Variants in CCDC175 observed in about 807,000 individuals in gnomAD.
CCDC175 encodes coiled-coil domain containing 175.
A neutral mutation model predicts 114.6 loss-of-function variants in CCDC175; 100 were observed. The ratio of observed to expected loss-of-function variants is 0.87; its 90% CI spans 0.74 to 1.03. The LOEUF is 1.03. CCDC175 is among the 50% of genes least tolerant of loss of function. CCDC175 has a pLI of 0.00. For synonymous variants in CCDC175, 306 were observed against 308.7 expected (o/e 0.99, Z 0.09); for missense variants, 880 against 917.8 (o/e 0.96, Z 0.53).
chr14:59,534,581 G>A (rs193032266), intron 13 of CCDC175, among the ~76,000 whole-genome samples: 1 of 152,288 alleles, frequency 6.6e-6, no homozygotes, highest in Admixed American at 6.5e-5. Context: ...AGAAGGTCAA[G>A]TCCTATAATA....
intron 17 of CCDC175, among the ~76,000 whole-genome samples, chr14:59,512,022 T>G (rs1348103763): frequency 6.6e-6 from 1 of 152,140 alleles, no homozygotes; most frequent in Non-Finnish European, 1.5e-5. Context: ...TGTTGAAGAA[T>G]GGGCAGCCCA....
chr14:59,525,485 C>T (rs905645191), intron 15 of CCDC175, 51 bp from the exon 16 acceptor site: 21 of 1,388,604 alleles, frequency 1.5e-5, no homozygotes, highest in African/African-American at 1.2e-4. Context: ...CAGTAGGGCA[C>T]GAGGGTATTA....
chr14:59,545,402 GC>G, intron 8 of CCDC175, 103 bp from the exon 9 acceptor site: 1 of 950,130 alleles, frequency 1.1e-6, no homozygotes, highest in Non-Finnish European at 1.5e-6. Flanking sequence ...ATATTGCTTA[GC>G]CCACCGTGAA....
Position 59,547,958 on chromosome 14 carries a change from TC to T in CCDC175, c.1036-2660del, listed in dbSNP as rs570368083. Among the ~76,000 whole-genome samples, 437 of 152,262 alleles carry T rather than the reference TC, an allele frequency of 2.9e-3. 7 individuals are homozygous for T. The highest frequency in any genetic ancestry group is 5.0e-4 in the Non-Finnish European group (34 of 68,030). On this transcript the variant is annotated intron_variant, in intron 8 of 19. Coordinates refer to ENST00000537690, the MANE Select transcript of CCDC175 (RefSeq NM_001164399.2). Reference sequence around the variant, plus strand: ...CAACAATGCCACTGCTGGGTATATATCCCAAGGAAATGAAATCAGTATGGCA... The same window carrying T: ...CAACAATGCCACTGCTGGGTATATATCCAAGGAAATGAAATCAGTATGGCA...
intron 18 of CCDC175, among the ~76,000 whole-genome samples, chr14:59,511,287 G>A (rs911945481): frequency 2.0e-5 from 3 of 152,158 alleles, no homozygotes; most frequent in Non-Finnish European, 2.9e-5. Context: ...ATACTTAAAT[G>A]AGGATTATGT....
intron 12 of CCDC175, among the ~76,000 whole-genome samples, 194 bp downstream of exon 12, chr14:59,538,511 G>A (rs1423797186): frequency 6.6e-6 from 1 of 152,108 alleles, no homozygotes; most frequent in Non-Finnish European, 1.5e-5. Context: ...ATATTCTACT[G>A]TATTTGCTAA....
intron 7 of CCDC175, among the ~76,000 whole-genome samples, chr14:59,556,102 T>C (rs568663935): frequency 6.6e-6 from 1 of 152,216 alleles, no homozygotes; most frequent in South Asian, 2.1e-4. Flanking sequence ...CTTCACAGAA[T>C]TGGAAAAAAC....
intron 7 of CCDC175, among the ~76,000 whole-genome samples, chr14:59,553,882 T>C (rs1437940358): frequency 6.6e-6 from 1 of 152,120 alleles, no homozygotes; most frequent in African/African-American, 2.4e-5. Context: ...CATTACATAA[T>C]GGTAAAGGGA....
chr14:59,535,145 G>C (rs574402910), intron 13 of CCDC175, among the ~76,000 whole-genome samples: 1 of 152,154 alleles, frequency 6.6e-6, no homozygotes, highest in South Asian at 2.1e-4. Context: ...GCTGATTATC[G>C]AGGGGAAATT....
At chr14:59,556,344 A>C (rs1384282723) in intron 7 of CCDC175, among the ~76,000 whole-genome samples, 1 of 152,214 alleles carries the variant, frequency 6.6e-6, no homozygotes, top group Non-Finnish European at 1.5e-5. Flanking sequence ...AAACCTGACA[A>C]AAAGAGGAAA....
chr14:59,543,331 G>T lies in CCDC175; in HGVS notation c.1283+13C>A, dbSNP rs371138299. 2.0e-6 allele frequency: 2 copies of T among 997,270 alleles called. No individual in the cohort carries two copies. Among genetic ancestry groups the T allele is most frequent in the Non-Finnish European group, 2.8e-6 (2 of 708,508 alleles). 61.8% of individuals were successfully genotyped at this position (997,270 alleles called of 1,614,324 possible). ...AAAGTAAAGATAAAAAATTTCAAAG[G>T]CAACAAACATACTGTTGAAGTTCCT... On this transcript the variant is annotated intron_variant, in intron 10 of 19. Transcript: ENST00000537690.
At chr14:59,570,794 T>G (rs1473464363) in intron 3 of CCDC175, among the ~76,000 whole-genome samples, 1 of 152,182 alleles carries the variant, frequency 6.6e-6, no homozygotes, top group Non-Finnish European at 1.5e-5. Flanking sequence ...CAAGCTGGAC[T>G]GCAGTGGCGC....
In CCDC175 at chr14:59,565,027, G is replaced by C; in HGVS notation, c.720+20C>G. Reference sequence around the variant, plus strand: ...ATTCTATACATTATTGTATTTTAAAGAATAAATCATGCCACTTACCTGTGC... The same window carrying C: ...ATTCTATACATTATTGTATTTTAAACAATAAATCATGCCACTTACCTGTGC... On this transcript the variant is annotated intron_variant, in intron 5 of 19. Coordinates refer to ENST00000537690, the MANE Select transcript of CCDC175 (RefSeq NM_001164399.2). The C allele has an allele frequency of 1.4e-6, 2 of 1,429,300 alleles. No homozygotes were observed. The highest frequency in any genetic ancestry group is 1.3e-5 in the South Asian group (1 of 78,424). The allele number at this position is 1,429,300 out of a possible 1,614,324, so 88.5% of individuals were successfully genotyped here.
chr14:59,506,069 G>T (rs1450520281), intron 19 of CCDC175, among the ~76,000 whole-genome samples: 1 of 152,066 alleles, frequency 6.6e-6, no homozygotes, highest in Non-Finnish European at 1.5e-5. Context: ...TGGATTTTCA[G>T]ACCAGGGATA....
At chr14:59,517,959 G>A (rs1893200658) in intron 17 of CCDC175, among the ~76,000 whole-genome samples, 1 of 152,130 alleles carries the variant, frequency 6.6e-6, no homozygotes, top group African/African-American at 2.4e-5. Flanking sequence ...CATGGTACTG[G>A]TACCAAAACA....
At position 59,576,745 on chromosome 14, in the gene CCDC175, C is replaced by T. The variant is rs1460385709; in HGVS notation, c.31G>A (p.Gly11Ser). 2.0e-6 allele frequency: 3 copies of T among 1,475,974 alleles called. No homozygotes were observed. The South Asian group carries it at 3.9e-5, about 19-fold the overall frequency. The allele number at this position is 1,475,974 out of a possible 1,614,324, so 91.4% of individuals were successfully genotyped here. The change falls in exon 1 of 20, where the codon GGC becomes AGC. Residue 11 changes from glycine to serine, a missense_variant. Transcript: ENST00000537690. MALSPWTPGL[G>S]AGEKLVQAAA... ...GCCTGCACCAGCTTCTCGCCAGCGCCCAGCCCTGGGGTCCAGGGGCTCAGG... is the reference window on the plus strand; with the variant it reads ...GCCTGCACCAGCTTCTCGCCAGCGCTCAGCCCTGGGGTCCAGGGGCTCAGG...
intron 13 of CCDC175, among the ~76,000 whole-genome samples, chr14:59,534,647 G>A (rs1352610863): frequency 6.6e-6 from 1 of 152,324 alleles, no homozygotes; most frequent in African/African-American, 2.4e-5. Flanking sequence ...ATACGGGGCT[G>A]TAGGACCCAG....
At chr14:59,516,711 T>G (rs1021409826) in intron 17 of CCDC175, among the ~76,000 whole-genome samples, 20 of 152,238 alleles carry the variant, frequency 1.3e-4, no homozygotes, top group African/African-American at 4.8e-4. Flanking sequence ...CAGGACCAGA[T>G]GGATTCCCAG....
intron 11 of CCDC175, among the ~76,000 whole-genome samples, 172 bp from the exon 12 acceptor site, chr14:59,539,012 T>C (rs975640013): frequency 1.2e-4 from 19 of 152,218 alleles, no homozygotes; most frequent in African/African-American, 4.1e-4. Flanking sequence ...ATTAACTGCC[T>C]CAATTCTGTC....
Sources: allele counts gnomAD v4.1 joint callset (sites outside exome capture counted in the v4.1 genomes callset), GRCh38; gene constraint gnomAD v4.1.1; transcripts MANE v1.5; gene names NCBI Gene and HGNC (gene_info 2026-07-23, HGNC 2026-07-21).